Variants in SIDT1 observed in about 807,000 individuals in gnomAD.
The protein encoded by SIDT1 is SID1 transmembrane family member 1.
A neutral mutation model predicts 107.5 loss-of-function variants in SIDT1; 101 were observed. The observed-to-expected ratio is 0.94, with a 90% CI of 0.80 to 1.11. The LOEUF (loss-of-function observed/expected upper bound fraction) is 1.11, where lower values mean the gene tolerates loss of function less well. Ranked by LOEUF, SIDT1 falls within the 50% of genes least tolerant of loss-of-function variation. SIDT1 has a pLI of 0.00. For missense variants in SIDT1, 1,076 were observed against 1,058.2 expected, an observed-to-expected ratio of 1.02 and a Z score of -0.23; for synonymous variants, 395 against 398.2, an observed-to-expected ratio of 0.99 and a Z score of 0.10.
intron 23 of SIDT1, 86 bp from the exon 24 acceptor site, chr3:113,626,016 G>C: frequency 1.1e-6 from 1 of 887,408 alleles, no homozygotes. Flanking sequence ...ACATCTAGTA[G>C]CGTTTTTGTG....
rs368642813 is a variant in SIDT1 at position 113,580,592 on chromosome 3, T to G, written c.562-16T>G. ...CATGTAAATATAAATCATGTCTTTCTTTTTCTTATTCTCAGTATTTTCTAT... is the reference window on the plus strand; with the variant it reads ...CATGTAAATATAAATCATGTCTTTCGTTTTCTTATTCTCAGTATTTTCTAT... On this transcript the variant is annotated splice_polypyrimidine_tract_variant and intron_variant, in intron 4 of 24. Coordinates refer to ENST00000264852, the MANE Select transcript of SIDT1 (RefSeq NM_017699.3). 1 of 1,478,916 alleles carries G rather than the reference T, an allele frequency of 6.8e-7. No individual in the cohort carries two copies. Among genetic ancestry groups the G allele is most frequent in the East Asian group, 2.3e-5 (1 of 44,220 alleles). The allele number at this position is 1,478,916 out of a possible 1,614,324, so 91.6% of individuals were successfully genotyped here.
chr3:113,532,966 G>A lies in SIDT1; in HGVS notation c.-56G>A. 8.3e-7 allele frequency: 1 copy of A among 1,210,384 alleles called. No individual in the cohort carries two copies. The highest frequency in any genetic ancestry group is 2.3e-5 in the South Asian group (1 of 43,092). The allele number at this position is 1,210,384 out of a possible 1,614,324, so 75.0% of individuals were successfully genotyped here. The stretch of plus-strand genomic sequence containing the variant: ...ACCGGGCTTTGGAAGGACCCTCTCT[G>A]CGCTCGCCCCCTCCCCAGGGTGGCT... On this transcript the variant is annotated 5_prime_UTR_variant, in exon 1 of 25. Coordinates refer to ENST00000264852, the MANE Select transcript of SIDT1 (RefSeq NM_017699.3).
At chr3:113,626,561 C>G (rs1946864793) in intron 24 of SIDT1, among the ~76,000 whole-genome samples, 1 of 152,156 alleles carries the variant, frequency 6.6e-6, no homozygotes, top group Non-Finnish European at 1.5e-5. Flanking sequence ...GTTATTCCTT[C>G]TTATGCCATA....
At chr3:113,607,472 T>C (rs1302006495) in intron 15 of SIDT1, among the ~76,000 whole-genome samples, 1 of 152,224 alleles carries the variant, frequency 6.6e-6, no homozygotes, top group African/African-American at 2.4e-5. Flanking sequence ...TATTTTTAGA[T>C]GAAGGCAGGT....
In SIDT1 at chr3:113,567,556, A is replaced by G; in HGVS notation, c.361A>G (p.Asn121Asp). The G allele has an allele frequency of 6.2e-7, 1 of 1,613,288 alleles. No individual in the cohort carries two copies. The highest frequency in any genetic ancestry group is 8.5e-7 in the Non-Finnish European group (1 of 1,179,678). The stretch of plus-strand genomic sequence containing the variant: ...CTGCTTCAGATACCAGAGGAGCTAC[A>G]ACTATCAAGAAGTGAGCCGCACCTT... ...LFQGLYQRSY[N>D]YQEVSRTLCP... The change falls in exon 3 of 25, where the codon AAC (asparagine) becomes GAC (aspartate). Residue 121 changes from asparagine to aspartate, a missense_variant. Transcript: ENST00000264852.
chr3:113,601,629 A>T lies in SIDT1; in HGVS notation c.1087A>T (p.Thr363Ser). ...MVASHPIAAS[T>S]PEGSNYGTID... ...GGCATCTCATCCCATTGCTGCCAGC[A>T]CACCCGAAGGGAGCAATTATGGGAC... Residue 363 changes from threonine (T) to serine (S), a missense_variant, in exon 11 of 25, where the codon ACA (threonine) becomes TCA (serine). Coordinates refer to ENST00000264852, the MANE Select transcript of SIDT1 (RefSeq NM_017699.3). 1 of 1,614,032 alleles carries T rather than the reference A, an allele frequency of 6.2e-7. No homozygotes were observed. The highest frequency in any genetic ancestry group is 8.5e-7 in the Non-Finnish European group (1 of 1,179,886).
intron 20 of SIDT1, among the ~76,000 whole-genome samples, chr3:113,617,838 C>G (rs1946209790): frequency 6.6e-6 from 1 of 152,096 alleles, no homozygotes; most frequent in South Asian, 2.1e-4. Context: ...TACCCTCTGC[C>G]CCCAACTCCC....
intron 4 of SIDT1, 101 bp from the exon 5 acceptor site, chr3:113,580,507 G>T (rs1462138346): frequency 4.5e-6 from 3 of 664,918 alleles, no homozygotes; most frequent in Non-Finnish European, 8.1e-6. Context: ...TTCATTAATG[G>T]AGATTCACGG....
chr3:113,566,337 TTTG>T, intron 1 of SIDT1, 80 bp from the exon 2 acceptor site: 1 of 1,325,714 alleles, frequency 7.5e-7, no homozygotes, highest in East Asian at 2.4e-5. Flanking sequence ...TTTGTGTGTG[TTTG>T]TGTGTGTGTG....
intron 10 of SIDT1, among the ~76,000 whole-genome samples, chr3:113,595,969 A>G (rs568212117): frequency 1.3e-5 from 2 of 152,354 alleles, no homozygotes; most frequent in South Asian, 4.1e-4. Context: ...AGTAAGGACC[A>G]TATCTGGAAG....
At chr3:113,581,316 T>C (rs778483013) in intron 5 of SIDT1, 45 bp from the exon 6 acceptor site, 1 of 1,481,396 alleles carries the variant, frequency 6.8e-7, no homozygotes, top group Non-Finnish European at 9.4e-7. Context: ...TGACATTGCA[T>C]GACATTATGG....
chr3:113,578,281 C>T (rs867288843), intron 4 of SIDT1, among the ~76,000 whole-genome samples: 5 of 151,920 alleles, frequency 3.3e-5, no homozygotes, highest in Non-Finnish European at 5.9e-5. Context: ...CTGGCTAACA[C>T]GGTGAAACGT....
chr3:113,550,348 C>A lies in SIDT1; in HGVS notation c.223-16072C>A, dbSNP rs569208559. On this transcript the variant is annotated intron_variant, in intron 1 of 24. Coordinates refer to ENST00000264852, the MANE Select transcript of SIDT1 (RefSeq NM_017699.3). ...TCTTATAATAGAGGTAAATTTTGTT[C>A]TTTACGTTCTGATTCAGAGCCATAA... Among the ~76,000 whole-genome samples, 39 of 152,216 alleles carry A rather than the reference C, an allele frequency of 2.6e-4. 1 individual carries two copies. In the South Asian group the frequency reaches 7.7e-3, roughly 30 times the overall value.
intron 1 of SIDT1, among the ~76,000 whole-genome samples, chr3:113,555,458 A>G (rs1418698063): frequency 6.6e-6 from 1 of 152,242 alleles, no homozygotes. Context: ...AACAAAGTTC[A>G]TCATAAAGTA....
intron 24 of SIDT1, among the ~76,000 whole-genome samples, chr3:113,627,117 G>A (rs1241968989): frequency 6.6e-6 from 1 of 152,184 alleles, no homozygotes; most frequent in Non-Finnish European, 1.5e-5. Flanking sequence ...AGAAATGGAG[G>A]AGGAGGGTAC....
chr3:113,612,067 C>A lies in SIDT1; in HGVS notation c.1858-19C>A, dbSNP rs1335440779. On this transcript the variant is annotated intron_variant, in intron 18 of 24. Transcript: ENST00000264852. ...TAGGGAAAACCTCAGATGAAGGTAA[C>A]TTCCATCTTTACTCCTAGGTGTTTG... 5 of 1,584,848 alleles carry A rather than the reference C, an allele frequency of 3.2e-6. No individual in the cohort carries two copies. The South Asian group carries it at 5.5e-5, about 18-fold the overall frequency.
At chr3:113,535,053 C>T (rs1382855362) in intron 1 of SIDT1, among the ~76,000 whole-genome samples, 24 of 152,126 alleles carry the variant, frequency 1.6e-4, no homozygotes, top group Admixed American at 1.6e-3. Context: ...GGGAGGATTG[C>T]TTGAGACCAG....
At chr3:113,607,189 A>T (rs867261276) in intron 15 of SIDT1, 75 bp downstream of exon 15, 5 of 985,126 alleles carry the variant, frequency 5.1e-6, no homozygotes, top group Middle Eastern at 2.1e-4. Flanking sequence ...TTCGGTTTTT[A>T]AAAATACTAA....
Position 113,581,431 on chromosome 3 carries a change from C to T in SIDT1, c.734C>T (p.Ala245Val), listed in dbSNP as rs754117661. Reference sequence around the variant, plus strand: ...TATCAGTCCATGACCAAGAAAGCTGCCATCACGCTACAGGTGAGGCATTGC... The same window carrying T: ...TATCAGTCCATGACCAAGAAAGCTGTCATCACGCTACAGGTGAGGCATTGC... Reference protein sequence around the residue: ...GVYQSMTKKAAITLQKKDFPG... With the variant: ...GVYQSMTKKAVITLQKKDFPG... The change falls in exon 6 of 25, where the codon GCC (alanine) becomes GTC (valine). Residue 245 changes from alanine (A) to valine (V), a missense_variant. Transcript: ENST00000264852. The T allele has an allele frequency of 1.9e-6, 3 of 1,613,408 alleles. No individual in the cohort carries two copies. The East Asian group carries it at 6.7e-5, about 36-fold the overall frequency.
Sources: allele counts gnomAD v4.1 joint callset (sites outside exome capture counted in the v4.1 genomes callset), GRCh38; gene constraint gnomAD v4.1.1; transcripts MANE v1.5; gene names NCBI Gene and HGNC (gene_info 2026-07-23, HGNC 2026-07-21).